Variants in WWOX observed in about 807,000 individuals in gnomAD.
The protein encoded by WWOX is WW domain containing oxidoreductase.
WWOX carries 69 observed loss-of-function variants against 46.2 expected under a neutral mutation model. The ratio of observed to expected loss-of-function variants is 1.49; its 90% CI spans 1.23 to 1.82. The LOEUF is 1.82. Among genes scored for constraint, WWOX ranks in the 40% most tolerant of loss-of-function variants. The pLI is 0.00. For synonymous variants in WWOX, 359 were observed against 202.6 expected (o/e 1.77, Z -6.56); for missense variants, 919 against 542.6 (o/e 1.69, Z -6.89).
At chr16:79,034,342 A>G (rs1200555246) in intron 8 of WWOX, among the ~76,000 whole-genome samples, 1 of 152,216 alleles carries the variant, frequency 6.6e-6, no homozygotes, top group East Asian at 1.9e-4. Flanking sequence ...GGCATTGTAT[A>G]TGTTTTGATA....
At chr16:78,881,930 C>G (rs1192861835) in intron 8 of WWOX, among the ~76,000 whole-genome samples, 1 of 152,074 alleles carries the variant, frequency 6.6e-6, no homozygotes, top group Non-Finnish European at 1.5e-5. Flanking sequence ...TGAGATAATC[C>G]TGGCCAACAT....
At chr16:78,925,321 C>G (rs937414524) in intron 8 of WWOX, among the ~76,000 whole-genome samples, 6 of 152,142 alleles carry the variant, frequency 3.9e-5, no homozygotes, top group Admixed American at 1.3e-4. Context: ...CTCAACTGCC[C>G]GGATGATAAA....
chr16:78,763,053 C>T (rs1322379018), intron 8 of WWOX, among the ~76,000 whole-genome samples: 2 of 152,176 alleles, frequency 1.3e-5, no homozygotes, highest in Non-Finnish European at 2.9e-5. Flanking sequence ...TACACTAGAA[C>T]ATTCATATTG....
At chr16:79,094,580 A>G (rs1324489461) in intron 8 of WWOX, among the ~76,000 whole-genome samples, 1 of 152,072 alleles carries the variant, frequency 6.6e-6, no homozygotes, top group Non-Finnish European at 1.5e-5. Flanking sequence ...AGCAAATAAG[A>G]AACAACAACA....
At chr16:78,652,574 C>G (rs2046991330) in intron 8 of WWOX, among the ~76,000 whole-genome samples, 1 of 152,182 alleles carries the variant, frequency 6.6e-6, no homozygotes, top group South Asian at 2.1e-4. Context: ...CCAGGTATTT[C>G]TCAGCGTGTT....
At chr16:78,845,968 G>T (rs974007641) in intron 8 of WWOX, among the ~76,000 whole-genome samples, 1 of 152,104 alleles carries the variant, frequency 6.6e-6, no homozygotes, top group Non-Finnish European at 1.5e-5. Flanking sequence ...ATTTGGAAGG[G>T]GTGGCCTAAT....
chr16:78,770,655 G>A (rs1417627515), intron 8 of WWOX, among the ~76,000 whole-genome samples: 1 of 144,052 alleles, frequency 6.9e-6, no homozygotes, highest in East Asian at 2.3e-4. Context: ...GGAAACTCCC[G>A]CCCCCTCCCC....
chr16:78,758,881 G>C lies in WWOX; in HGVS notation c.1056+326129G>C, dbSNP rs565293318. Among the ~76,000 whole-genome samples, 350 of 145,730 alleles carry C rather than the reference G, an allele frequency of 2.4e-3. 1 individual carries two copies. Among genetic ancestry groups the C allele is most frequent in the African/African-American group, 8.3e-3 (326 of 39,362 alleles). On this transcript the variant is annotated intron_variant, in intron 8 of 8. Transcript: ENST00000566780. ...GATTTTGTGTTCAAGATTTGGAAGA[G>C]AATCTTCTTCCCAAGCCAGCATTTT...
At chr16:78,806,593 C>G (rs536589934) in intron 8 of WWOX, among the ~76,000 whole-genome samples, 2 of 152,212 alleles carry the variant, frequency 1.3e-5, no homozygotes, top group African/African-American at 2.4e-5. Context: ...CACATTGTCT[C>G]CATGTACCCT....
intron 8 of WWOX, among the ~76,000 whole-genome samples, chr16:78,928,663 G>GA (rs57026083): frequency 0.2 from 30,802 of 151,028 alleles, 3,293 homozygotes; most frequent in East Asian, 0.38. Context: ...TGACTTACTG[G>GA]AAAAAAAAAT....
intron 5 of WWOX, among the ~76,000 whole-genome samples, chr16:78,380,604 T>G (rs754631822): frequency 5.9e-5 from 9 of 152,286 alleles, no homozygotes; most frequent in Non-Finnish European, 1.0e-4. Context: ...TGCATTGTGA[T>G]GATCACGATG....
intron 8 of WWOX, among the ~76,000 whole-genome samples, chr16:78,453,592 G>A (rs1369100451): frequency 6.6e-6 from 1 of 152,068 alleles, no homozygotes; most frequent in Non-Finnish European, 1.5e-5. Flanking sequence ...AATCTGTCTA[G>A]GGTAGGGAGA....
At chr16:78,700,480 G>T (rs1256576754) in intron 8 of WWOX, among the ~76,000 whole-genome samples, 1 of 152,128 alleles carries the variant, frequency 6.6e-6, no homozygotes, top group Non-Finnish European at 1.5e-5. Flanking sequence ...ATATGCATTT[G>T]GAAGAGAGAG....
intron 8 of WWOX, among the ~76,000 whole-genome samples, chr16:79,070,491 T>C (rs1306594054): frequency 6.6e-6 from 1 of 152,130 alleles, no homozygotes; most frequent in Non-Finnish European, 1.5e-5. Context: ...AAAATTCTCA[T>C]AGTCTGGAAG....
At chr16:78,543,183 C>T (rs72803939) in intron 8 of WWOX, among the ~76,000 whole-genome samples, 1 of 152,186 alleles carries the variant, frequency 6.6e-6, no homozygotes, top group Non-Finnish European at 1.5e-5. Context: ...GCTGCTACAT[C>T]TGGCACAGAT....
chr16:79,080,285 C>G (rs1237468983), intron 8 of WWOX, among the ~76,000 whole-genome samples: 2 of 152,188 alleles, frequency 1.3e-5, no homozygotes, highest in African/African-American at 4.8e-5. Flanking sequence ...TGTCTCTCAT[C>G]TCTGCTTTTC....
intron 8 of WWOX, among the ~76,000 whole-genome samples, chr16:78,999,326 C>T (rs2047049826): frequency 2.0e-5 from 3 of 151,998 alleles, no homozygotes; most frequent in Admixed American, 1.3e-4. Flanking sequence ...CAAAATTAGC[C>T]AGGCGTAGTG....
At chr16:78,909,494 G>C (rs933972888) in intron 8 of WWOX, among the ~76,000 whole-genome samples, 4 of 152,180 alleles carry the variant, frequency 2.6e-5, no homozygotes, top group African/African-American at 9.7e-5. Context: ...CCTGAAAAGT[G>C]TGCACGGTTG....
At chr16:78,826,440 T>G (rs1024358143) in intron 8 of WWOX, among the ~76,000 whole-genome samples, 15 of 152,226 alleles carry the variant, frequency 9.9e-5, no homozygotes, top group Non-Finnish European at 1.9e-4. Flanking sequence ...AGGCTCTAGC[T>G]AAGAATCTGT....
Sources: allele counts gnomAD v4.1 joint callset (sites outside exome capture counted in the v4.1 genomes callset), GRCh38; gene constraint gnomAD v4.1.1; transcripts MANE v1.5; gene names NCBI Gene and HGNC (gene_info 2026-07-23, HGNC 2026-07-21).